CCDC15: variants seen among roughly 807,000 people sequenced by gnomAD.
CCDC15 encodes coiled-coil domain-containing protein 15.
CCDC15 carries 105 observed loss-of-function variants against 114.5 expected under a neutral mutation model. The observed-to-expected ratio is 0.92, with a 90% CI of 0.78 to 1.08. CCDC15 has a LOEUF of 1.08. Among genes scored for constraint, CCDC15 ranks in the 50% least tolerant of loss-of-function variants. The pLI is 0.00. For missense variants in CCDC15, 1,105 were observed against 1,093.6 expected (o/e 1.01, Z -0.15); for synonymous variants, 334 against 377.8 (o/e 0.88, Z 1.34).
At chr11:125,038,736 A>C in intron 14 of CCDC15, 132 bp downstream of exon 14, 1 of 1,187,008 alleles carries the variant, frequency 8.4e-7, no homozygotes, top group Non-Finnish European at 1.2e-6. Flanking sequence ...TCATAACTTC[A>C]CCAAATTTTT....
intron 11 of CCDC15, among the ~76,000 whole-genome samples, chr11:124,999,803 C>T (rs1948442389): frequency 6.7e-6 from 1 of 149,858 alleles, no homozygotes; most frequent in South Asian, 2.1e-4. Flanking sequence ...CAGAATTGGT[C>T]ACATCTTCCT....
At chr11:125,025,765 A>G (rs1270006307) in intron 13 of CCDC15, among the ~76,000 whole-genome samples, 2 of 152,058 alleles carry the variant, frequency 1.3e-5, no homozygotes, top group Non-Finnish European at 2.9e-5. Context: ...AGTTCTTAAT[A>G]TTCTATTATA....
chr11:124,989,164 A>G (rs1948227682), intron 8 of CCDC15, among the ~76,000 whole-genome samples: 1 of 152,234 alleles, frequency 6.6e-6, no homozygotes, highest in African/African-American at 2.4e-5. Flanking sequence ...TCCACAAACT[A>G]CAGAATGGAT....
chr11:125,008,344 G>A (rs535119704), intron 13 of CCDC15, among the ~76,000 whole-genome samples: 21 of 152,244 alleles, frequency 1.4e-4, no homozygotes, highest in African/African-American at 4.6e-4. Context: ...CTGGTATATC[G>A]GAAAGTGATT....
chr11:125,005,444 C>G (rs1050197200), intron 13 of CCDC15, among the ~76,000 whole-genome samples: 1 of 152,018 alleles, frequency 6.6e-6, no homozygotes, highest in South Asian at 2.1e-4. Flanking sequence ...CAAAATTGAG[C>G]AGAAAGTACA....
chr11:124,955,078 T>C (rs1011820702), intron 2 of CCDC15, among the ~76,000 whole-genome samples, 169 bp downstream of exon 2: 1 of 152,268 alleles, frequency 6.6e-6, no homozygotes, highest in African/African-American at 2.4e-5. Flanking sequence ...TTGCCAAAAC[T>C]TGACTGCAGC....
In CCDC15 at chr11:124,955,672, C is replaced by T. The variant is rs183667833; in HGVS notation, c.177+763C>T. Among the ~76,000 whole-genome samples the T allele has an allele frequency of 2.6e-5, 4 of 151,350 alleles. No homozygotes were observed. The East Asian group carries it at 7.8e-4, about 30-fold the overall frequency. On this transcript the variant is annotated intron_variant, in intron 2 of 15. Coordinates refer to ENST00000344762, the MANE Select transcript of CCDC15 (RefSeq NM_025004.3). ...GTCTTCTGTATGTGTAGACAAGGTG[C>T]TGAACATGGATGAAAAAAGGATGAG...
intron 6 of CCDC15, among the ~76,000 whole-genome samples, chr11:124,982,123 T>G (rs1233022914): frequency 6.6e-6 from 1 of 152,228 alleles, no homozygotes; most frequent in Admixed American, 6.5e-5. Context: ...CCTGCTTTTT[T>G]ATGGTTTCCA....
chr11:124,973,941 G>A (rs1338071626), intron 4 of CCDC15, among the ~76,000 whole-genome samples: 4 of 152,014 alleles, frequency 2.6e-5, no homozygotes, highest in South Asian at 2.1e-4. Context: ...TTTCCTCCAC[G>A]TGATACAGTG....
At chr11:125,008,878 G>T (rs1948569519) in intron 13 of CCDC15, among the ~76,000 whole-genome samples, 1 of 151,902 alleles carries the variant, frequency 6.6e-6, no homozygotes, top group Non-Finnish European at 1.5e-5. Flanking sequence ...AACCCCAGTT[G>T]TCTTGACAAA....
chr11:125,008,886 A>G (rs1166819532), intron 13 of CCDC15, among the ~76,000 whole-genome samples: 1 of 152,010 alleles, frequency 6.6e-6, no homozygotes, highest in Non-Finnish European at 1.5e-5. Context: ...TTGTCTTGAC[A>G]AACTTCATTG....
chr11:124,973,323 A>G (rs115160888), intron 4 of CCDC15, among the ~76,000 whole-genome samples: 68 of 152,152 alleles, frequency 4.5e-4, no homozygotes, highest in African/African-American at 1.6e-3. Context: ...TTAAGTGTCA[A>G]TGAATAAAAG....
chr11:125,015,807 AT>A (rs1948625649), intron 13 of CCDC15, among the ~76,000 whole-genome samples: 1 of 152,186 alleles, frequency 6.6e-6, no homozygotes, highest in African/African-American at 2.4e-5. Flanking sequence ...TCTTGTGAGC[AT>A]AAATGAAAAA....
intron 13 of CCDC15, among the ~76,000 whole-genome samples, chr11:125,011,301 G>T (rs1025617312): frequency 2.0e-5 from 3 of 149,996 alleles, no homozygotes; most frequent in African/African-American, 4.9e-5. Flanking sequence ...GCAATGGCAC[G>T]ATCTCGACTC....
chr11:124,973,301 A>G (rs1245237978), intron 4 of CCDC15, among the ~76,000 whole-genome samples: 1 of 152,066 alleles, frequency 6.6e-6, no homozygotes, highest in Non-Finnish European at 1.5e-5. Flanking sequence ...GTGCAGGGTA[A>G]TAACACCTAC....
intron 6 of CCDC15, among the ~76,000 whole-genome samples, chr11:124,984,273 T>G (rs1345823343): frequency 6.6e-6 from 1 of 152,024 alleles, no homozygotes; most frequent in African/African-American, 2.4e-5. Context: ...AGGCTCATGC[T>G]GGTTGGTGTG....
In CCDC15 at chr11:124,954,327, C is replaced by A; in HGVS notation, c.-53C>A. ...GCTCCCAGCCGTTCAGCGCGTCTTC[C>A]CATAACCTATACCGATTATTGGGAC... is the stretch of plus-strand genomic sequence containing the variant. On this transcript the variant is annotated 5_prime_UTR_variant, in exon 1 of 16. Coordinates refer to ENST00000344762, the MANE Select transcript of CCDC15 (RefSeq NM_025004.3). The A allele has an allele frequency of 5.8e-6, 1 of 171,152 alleles. No homozygotes were observed. The highest frequency in any genetic ancestry group is 1.3e-4 in the South Asian group (1 of 7,870). The allele number at this position is 171,152 out of a possible 1,614,324, so 10.6% of individuals were successfully genotyped here.
At chr11:125,008,653 C>G (rs1006611870) in intron 13 of CCDC15, among the ~76,000 whole-genome samples, 1 of 151,964 alleles carries the variant, frequency 6.6e-6, no homozygotes, top group East Asian at 1.9e-4. Flanking sequence ...TTTGTAGATG[C>G]GCTTTTTCAG....
rs1204173364 is a variant in CCDC15 at position 125,025,017 on chromosome 11, T to C, written c.2412-13414T>C. The stretch of plus-strand genomic sequence containing the variant: ...TCAAATTCATATATATATGAATATA[T>C]ATATGAATATATATATGAATACATA... On this transcript the variant is annotated intron_variant, in intron 13 of 15. Transcript: ENST00000344762. Among the ~76,000 whole-genome samples, 27 of 142,522 alleles carry C rather than the reference T, an allele frequency of 1.9e-4. No homozygotes were observed. In the South Asian group the frequency reaches 2.1e-3, roughly 11 times the overall value. 93.5% of individuals were successfully genotyped at this position (142,522 alleles called of 152,430 possible).
Sources: allele counts gnomAD v4.1 joint callset (sites outside exome capture counted in the v4.1 genomes callset), GRCh38; gene constraint gnomAD v4.1.1; transcripts MANE v1.5; gene names NCBI Gene and HGNC (gene_info 2026-07-23, HGNC 2026-07-21).